Variants in STX18 observed in about 807,000 individuals in gnomAD.
STX18 encodes the protein syntaxin 18, also known as syntaxin-18.
Under a neutral mutation model 50.1 loss-of-function variants are expected in STX18, and 40 were observed. The observed-to-expected ratio is 0.80, with a 90% CI of 0.62 to 1.04. The LOEUF is 1.04. Among genes scored for constraint, STX18 ranks in the 50% least tolerant of loss-of-function variants. The pLI is 0.00. For missense variants in STX18, 410 were observed against 415.8 expected (o/e 0.99, Z 0.12); for synonymous variants, 158 against 151.8 (o/e 1.04, Z -0.30).
chr4:4,494,941 G>T (rs537270002), intron 1 of STX18, among the ~76,000 whole-genome samples: 1 of 152,148 alleles, frequency 6.6e-6, no homozygotes. Context: ...CTCATGTAGG[G>T]CCCTGTAAAA....
At chr4:4,477,343 C>T (rs1728236191) in intron 1 of STX18, among the ~76,000 whole-genome samples, 1 of 152,210 alleles carries the variant, frequency 6.6e-6, no homozygotes, top group Non-Finnish European at 1.5e-5. Context: ...AAACTAGGAA[C>T]AACCCTTACT....
At chr4:4,423,452 C>T in intron 9 of STX18, 66 bp downstream of exon 9, 1 of 1,511,658 alleles carries the variant, frequency 6.6e-7, no homozygotes, top group East Asian at 2.3e-5. Context: ...GGAAAAATGT[C>T]TCGTGCTCTC....
intron 1 of STX18, chr4:4,499,564 T>G (rs1336730560): frequency 2.0e-6 from 2 of 984,934 alleles, no homozygotes; most frequent in South Asian, 4.7e-5. Flanking sequence ...AGCTGCATTT[T>G]CAGATTCATA....
intron 3 of STX18, 128 bp downstream of exon 3, chr4:4,459,244 A>G: frequency 1.5e-6 from 1 of 685,246 alleles, no homozygotes; most frequent in Non-Finnish European, 2.5e-6. Context: ...AAGAAAGAAA[A>G]GATTTTAACG....
chr4:4,483,024 CAT>C (rs894251060), intron 1 of STX18, among the ~76,000 whole-genome samples: 6 of 152,116 alleles, frequency 3.9e-5, no homozygotes, highest in African/African-American at 9.7e-5. Flanking sequence ...GGAGAGAAAA[CAT>C]GTGCACAAAA....
At chr4:4,449,405 A>G (rs1726627877) in intron 5 of STX18, among the ~76,000 whole-genome samples, 1 of 152,160 alleles carries the variant, frequency 6.6e-6, no homozygotes, top group Non-Finnish European at 1.5e-5. Context: ...CTTTATAACA[A>G]CAGCATCACA....
intron 1 of STX18, among the ~76,000 whole-genome samples, chr4:4,487,387 G>C (rs908204724): frequency 7.9e-5 from 12 of 152,170 alleles, no homozygotes; most frequent in Admixed American, 3.9e-4. Flanking sequence ...TGAACATTTA[G>C]TGTTTCCTAT....
At chr4:4,537,939 G>A (rs1349347516) in intron 1 of STX18, among the ~76,000 whole-genome samples, 1 of 152,194 alleles carries the variant, frequency 6.6e-6, no homozygotes, top group East Asian at 1.9e-4. Context: ...GGAGAATGTA[G>A]TGGGCAGAGG....
chr4:4,462,753 T>C (rs2108823968), intron 2 of STX18, among the ~76,000 whole-genome samples: 1 of 151,986 alleles, frequency 6.6e-6, no homozygotes, highest in South Asian at 2.1e-4. Context: ...AAATGAAGAA[T>C]GCCTCGGGGA....
At chr4:4,523,771 G>C (rs1167465937) in intron 1 of STX18, among the ~76,000 whole-genome samples, 1 of 152,252 alleles carries the variant, frequency 6.6e-6, no homozygotes, top group East Asian at 1.9e-4. Flanking sequence ...ACTGCCAGCA[G>C]AATGATCTTT....
intron 1 of STX18, among the ~76,000 whole-genome samples, chr4:4,496,087 T>C (rs1729154660): frequency 6.6e-6 from 1 of 152,242 alleles, no homozygotes; most frequent in Non-Finnish European, 1.5e-5. Flanking sequence ...TCTCTTTTTA[T>C]AAATTCTTTA....
chr4:4,519,591 T>C (rs1411955192), intron 1 of STX18, among the ~76,000 whole-genome samples: 1 of 152,040 alleles, frequency 6.6e-6, no homozygotes, highest in Non-Finnish European at 1.5e-5. Context: ...TAGAACCAAA[T>C]CATTAGCTGT....
intron 8 of STX18, among the ~76,000 whole-genome samples, chr4:4,424,341 G>C (rs1202167818): frequency 6.6e-6 from 1 of 152,148 alleles, no homozygotes; most frequent in Non-Finnish European, 1.5e-5. Context: ...TCCTGGCCAG[G>C]TGGAAGCAGT....
intron 9 of STX18, among the ~76,000 whole-genome samples, chr4:4,421,847 T>G (rs935661256): frequency 6.6e-6 from 1 of 152,216 alleles, no homozygotes; most frequent in Non-Finnish European, 1.5e-5. Context: ...GCAGGATGCT[T>G]ACAGAAAACG....
intron 7 of STX18, among the ~76,000 whole-genome samples, chr4:4,427,801 C>T (rs1053015899): frequency 2.6e-5 from 4 of 152,226 alleles, no homozygotes; most frequent in Admixed American, 1.3e-4. Flanking sequence ...CATGTCCGCC[C>T]TCCACTGCAC....
chr4:4,495,422 T>A (rs1453446858), intron 1 of STX18, among the ~76,000 whole-genome samples: 1 of 152,118 alleles, frequency 6.6e-6, no homozygotes, highest in Non-Finnish European at 1.5e-5. Flanking sequence ...AAGGTCTTCC[T>A]CCATCACCCA....
At chr4:4,537,513 G>C (rs1027105338) in intron 1 of STX18, among the ~76,000 whole-genome samples, 1 of 152,068 alleles carries the variant, frequency 6.6e-6, no homozygotes, top group Non-Finnish European at 1.5e-5. Flanking sequence ...AGAGAGCAGA[G>C]GATCAAGCAG....
chr4:4,467,749 G>C (rs1439375445), intron 2 of STX18, among the ~76,000 whole-genome samples: 4 of 150,036 alleles, frequency 2.7e-5, no homozygotes, highest in African/African-American at 9.8e-5. Context: ...GGCATGGGGG[G>C]TGGGTGGGAG....
At chr4:4,522,004 C>G (rs1577398682) in intron 1 of STX18, among the ~76,000 whole-genome samples, 1 of 152,174 alleles carries the variant, frequency 6.6e-6, no homozygotes, top group East Asian at 1.9e-4. Flanking sequence ...CAATTTTAAA[C>G]AATATCTACT....
Sources: gnomAD v4.1 joint callset for allele counts (sites outside exome capture counted in the v4.1 genomes callset) on GRCh38, gnomAD v4.1.1 for gene constraint, MANE v1.5 for transcripts, NCBI Gene and HGNC (gene_info 2026-07-23, HGNC 2026-07-21) for gene names.